COL6A6: variants seen among roughly 807,000 people sequenced by gnomAD.
COL6A6 encodes collagen type VI alpha 6 chain.
Under a neutral mutation model 208.6 loss-of-function variants are expected in COL6A6, and 183 were observed. The ratio of observed to expected loss-of-function variants is 0.88; its 90% CI spans 0.78 to 0.99. The LOEUF (loss-of-function observed/expected upper bound fraction) is 0.99, where lower values mean the gene tolerates loss of function less well. COL6A6 is among the 50% of genes least tolerant of loss of function. The pLI is 0.00. For missense variants in COL6A6, 2,816 were observed against 2,815.2 expected (o/e 1.00, Z -0.01); for synonymous variants, 973 against 1,011.8 (o/e 0.96, Z 0.73).
Position 130,574,183 on chromosome 3 carries a change from A to C in COL6A6, c.3205A>C (p.Asn1069His). ...AAAAGAGATATCATTTCAGATTGAAAACATCAAGCAGATCTTTGGAAACAC... is the reference window on the plus strand; with the variant it reads ...AAAAGAGATATCATTTCAGATTGAACACATCAAGCAGATCTTTGGAAACAC... Reference protein sequence around the residue: ...GEKEISFQIENIKQIFGNTHI... With the variant: ...GEKEISFQIEHIKQIFGNTHI... Residue 1069 changes from asparagine (N) to histidine (H), a missense_variant, in exon 8 of 37, where the codon AAC (asparagine) becomes CAC (histidine). Physicochemically the swap from Asn to His is moderately conservative, Grantham distance 68 (BLOSUM62 1). Transcript: ENST00000358511. 1 of 1,614,036 alleles carries C rather than the reference A, an allele frequency of 6.2e-7. No homozygotes were observed. The highest frequency in any genetic ancestry group is 8.5e-7 in the Non-Finnish European group (1 of 1,179,896).
intron 20 of COL6A6, among the ~76,000 whole-genome samples, chr3:130,602,716 A>G (rs2064061407): frequency 6.6e-6 from 1 of 152,212 alleles, no homozygotes; most frequent in Non-Finnish European, 1.5e-5. Flanking sequence ...TTTTAATTTT[A>G]AAAAAGTTTA....
At chr3:130,665,707 C>T (rs1440672200) in intron 36 of COL6A6, among the ~76,000 whole-genome samples, 1 of 152,148 alleles carries the variant, frequency 6.6e-6, no homozygotes, top group Admixed American at 6.5e-5. Flanking sequence ...TACAAGAATG[C>T]TAGCTAATAA....
chr3:130,643,093 C>T (rs1161107367), intron 31 of COL6A6, 70 bp downstream of exon 31: 3 of 1,507,004 alleles, frequency 2.0e-6, no homozygotes, highest in Non-Finnish European at 2.7e-6. Flanking sequence ...GAAACCTACA[C>T]TCAGAATTGA....
At chr3:130,542,702 T>G (rs1399418439) in intron 1 of COL6A6, among the ~76,000 whole-genome samples, 1 of 152,168 alleles carries the variant, frequency 6.6e-6, no homozygotes, top group Non-Finnish European at 1.5e-5. Flanking sequence ...ATTTTGACAC[T>G]CTGATTTTAG....
intron 6 of COL6A6, among the ~76,000 whole-genome samples, chr3:130,569,023 G>A (rs1228711882): frequency 1.3e-5 from 2 of 152,148 alleles, no homozygotes; most frequent in East Asian, 3.9e-4. Context: ...TGATCCCATG[G>A]GGAGCTCCAG....
intron 8 of COL6A6, among the ~76,000 whole-genome samples, chr3:130,574,985 G>C (rs1239112783): frequency 6.6e-6 from 1 of 152,190 alleles, no homozygotes; most frequent in African/African-American, 2.4e-5. Flanking sequence ...GCAGAAATTA[G>C]TAAATATCTT....
chr3:130,587,965 A>G (rs1183697848), intron 11 of COL6A6, among the ~76,000 whole-genome samples: 1 of 152,208 alleles, frequency 6.6e-6, no homozygotes, highest in African/African-American at 2.4e-5. Flanking sequence ...TGTATATCAT[A>G]TAAATGGAAC....
chr3:130,666,162 A>G (rs1041361029), intron 36 of COL6A6, among the ~76,000 whole-genome samples: 2 of 152,334 alleles, frequency 1.3e-5, no homozygotes, highest in East Asian at 3.9e-4. Flanking sequence ...ATGGGAGACA[A>G]ATGAGACAAA....
chr3:130,662,277 G>A lies in COL6A6; in HGVS notation c.6471G>A (p.Lys2157=), dbSNP rs1198076628. The A allele has an allele frequency of 6.2e-7, 1 of 1,613,778 alleles. No homozygotes were observed. The highest frequency in any genetic ancestry group is 8.5e-7 in the Non-Finnish European group (1 of 1,179,750). Residue 2157 remains lysine (K), a synonymous_variant, in exon 35 of 37, where the codon AAG becomes AAA. Transcript: ENST00000358511. ...AACCTGACCACAGTTATGGTGTGAA[G>A]TTTGTGAAGTCCTTTATAAACTCAA... is the stretch of plus-strand genomic sequence containing the variant. ...IHKPDHSYGV[K]FVKSFINSIR... is the part of the protein sequence containing the mutation.
chr3:130,589,918 T>C (rs2063633255), intron 12 of COL6A6: 5 of 426,190 alleles, frequency 1.2e-5, no homozygotes, highest in South Asian at 6.9e-5. Flanking sequence ...ACCAGGGCTA[T>C]GTCTCTGAAT....
chr3:130,612,707 G>A (rs2064395414), intron 23 of COL6A6, among the ~76,000 whole-genome samples: 1 of 152,112 alleles, frequency 6.6e-6, no homozygotes, highest in Non-Finnish European at 1.5e-5. Flanking sequence ...GGCCCCTCTG[G>A]TGAGGTCTAT....
At position 130,568,321 on chromosome 3, in the gene COL6A6, C is replaced by G. The variant is rs747841850; in HGVS notation, c.2118C>G (p.Ser706Arg). The G allele has an allele frequency of 1.2e-6, 2 of 1,614,010 alleles. No individual in the cohort carries two copies. Among genetic ancestry groups the G allele is most frequent in the Non-Finnish European group, 8.5e-7 (1 of 1,179,906 alleles). Residue 706 changes from serine (S) to arginine (R), a missense_variant, in exon 6 of 37, where the codon AGC becomes AGG. Transcript: ENST00000358511. ...GQTTLTGSAL[S>R]FVSQYFSPTK... Reference sequence around the variant, plus strand: ...CCACCCTGACTGGTAGTGCCCTGAGCTTTGTGTCTCAGTACTTCAGCCCCA... The same window carrying G: ...CCACCCTGACTGGTAGTGCCCTGAGGTTTGTGTCTCAGTACTTCAGCCCCA...
chr3:130,649,529 C>T lies in COL6A6; in HGVS notation c.5700C>T (p.Phe1900=), dbSNP rs1576396833. 6.3e-7 allele frequency: 1 copy of T among 1,599,170 alleles called. No individual in the cohort carries two copies. The change falls in exon 33 of 37, where the codon TTC becomes TTT. Residue 1900 remains phenylalanine, a synonymous_variant. Transcript: ENST00000358511. ...AAATCATTCCCGTGGTGATCACTTT[C>T]AGCAACGTGCCCTCGGTCAGGCGCG... ...ALEIIPVVIT[F]SNVPSVRRAF...
At chr3:130,599,609 T>C (rs962065877) in intron 19 of COL6A6, 148 bp from the exon 20 acceptor site, 69 of 709,038 alleles carry the variant, frequency 9.7e-5, no homozygotes, top group Non-Finnish European at 1.6e-4. Flanking sequence ...TTATGATCAG[T>C]AGAGTTCATG....
Position 130,661,757 on chromosome 3 carries a change from T to C in COL6A6, c.5951T>C (p.Ile1984Thr). Reference sequence around the variant, plus strand: ...ATGGGAAGTGCTGAATTTGAAGACATAAGAGCCTTCCTTGGAGCACTATTA... The same window carrying C: ...ATGGGAAGTGCTGAATTTGAAGACACAAGAGCCTTCCTTGGAGCACTATTA... ...RNMGSAEFED[I>T]RAFLGALLDH... Residue 1984 changes from isoleucine (I) to threonine (T), a missense_variant, in exon 35 of 37, where the codon ATA (isoleucine) becomes ACA (threonine). Transcript: ENST00000358511. 6.2e-7 allele frequency: 1 copy of C among 1,613,938 alleles called. No individual in the cohort carries two copies. The highest frequency in any genetic ancestry group is 1.3e-5 in the African/African-American group (1 of 75,040).
intron 3 of COL6A6, 119 bp from the exon 4 acceptor site, chr3:130,564,875 C>A: frequency 8.9e-7 from 1 of 1,123,584 alleles, no homozygotes; most frequent in Non-Finnish European, 1.3e-6. Flanking sequence ...AATTATTTGT[C>A]TACCTCCTTC....
chr3:130,584,768 C>T (rs1435000040), intron 10 of COL6A6, among the ~76,000 whole-genome samples: 1 of 151,994 alleles, frequency 6.6e-6, no homozygotes, highest in African/African-American at 2.4e-5. Flanking sequence ...GCGCCTGCCA[C>T]CACACCCGGC....
chr3:130,533,607 G>GGT (rs1416749186), intron 1 of COL6A6, among the ~76,000 whole-genome samples: 1 of 152,098 alleles, frequency 6.6e-6, no homozygotes, highest in African/African-American at 2.4e-5. Context: ...AAATCCTCTT[G>GGT]GTCCCCCTTT....
At position 130,565,373 on chromosome 3, in the gene COL6A6, C is replaced by T. The variant is rs372078727; in HGVS notation, c.1041C>T (p.Asn347=). 54 of 1,613,976 alleles carry T rather than the reference C, an allele frequency of 3.3e-5. No individual in the cohort carries two copies. The highest frequency in any genetic ancestry group is 7.7e-5 in the South Asian group (7 of 91,088). ...TGACCCACCGAGATTCAGAAGACAA[C>T]GTGACAAAAGCAGCTGTTAACCTCC... ...VLVTHRDSED[N]VTKAAVNLRR... Residue 347 remains asparagine (N), a synonymous_variant, in exon 4 of 37, where the codon AAC becomes AAT. Coordinates refer to ENST00000358511, the MANE Select transcript of COL6A6 (RefSeq NM_001102608.3).
Sources: gnomAD v4.1 joint callset for allele counts (sites outside exome capture counted in the v4.1 genomes callset) on GRCh38, gnomAD v4.1.1 for gene constraint, MANE v1.5 for transcripts, NCBI Gene and HGNC (gene_info 2026-07-23, HGNC 2026-07-21) for gene names.